Variants in KANK1 observed in about 807,000 individuals in gnomAD.
KANK1 encodes KN motif and ankyrin repeat domain-containing protein 1.
A neutral mutation model predicts 106.2 loss-of-function variants in KANK1; 109 were observed. That is an observed-to-expected ratio of 1.03 (90% CI 0.88 to 1.20). The LOEUF is 1.20. Ranked by LOEUF, KANK1 falls within the 50% of genes most tolerant of loss-of-function variation. KANK1 has a pLI of 0.00. For missense variants in KANK1, 2,399 were observed against 1,710.7 expected (o/e 1.40, Z -7.10); for synonymous variants, 873 against 652.2 (o/e 1.34, Z -5.16).
At chr9:499,667 C>A (rs1307976341) in intron 3 of KANK1, among the ~76,000 whole-genome samples, 1 of 152,166 alleles carries the variant, frequency 6.6e-6, no homozygotes, top group Non-Finnish European at 1.5e-5. Context: ...ACAGGAAAAG[C>A]CCTGAGGAGC....
At chr9:523,640 G>A (rs1371838989) in intron 1 of KANK1, among the ~76,000 whole-genome samples, 1 of 151,612 alleles carries the variant, frequency 6.6e-6, no homozygotes, top group African/African-American at 2.4e-5. Context: ...TCTTCCACAG[G>A]TGTCCCTTTT....
At chr9:562,320 G>A (rs2134440556) in intron 1 of KANK1, among the ~76,000 whole-genome samples, 1 of 152,172 alleles carries the variant, frequency 6.6e-6, no homozygotes, top group Non-Finnish European at 1.5e-5. Context: ...CCAAAGTGCT[G>A]GGATTACAGG....
At chr9:488,157 C>G (rs970908508) in intron 3 of KANK1, among the ~76,000 whole-genome samples, 29 of 152,122 alleles carry the variant, frequency 1.9e-4, no homozygotes, top group African/African-American at 6.8e-4. Context: ...CTCCATGAAT[C>G]CCTACAAATA....
chr9:724,210 G>C (rs571222614), intron 3 of KANK1, among the ~76,000 whole-genome samples: 94 of 152,166 alleles, frequency 6.2e-4, no homozygotes, highest in African/African-American at 2.2e-3. Context: ...GCATTTTTTA[G>C]AGTTCTTTTA....
chr9:680,163 G>A (rs1817253141), intron 2 of KANK1, among the ~76,000 whole-genome samples: 1 of 152,084 alleles, frequency 6.6e-6, no homozygotes, highest in Non-Finnish European at 1.5e-5. Flanking sequence ...TAGAGCATGA[G>A]GGGAAATTTC....
At chr9:692,656 A>C (rs1820257782) in intron 2 of KANK1, among the ~76,000 whole-genome samples, 1 of 151,984 alleles carries the variant, frequency 6.6e-6, no homozygotes, top group Non-Finnish European at 1.5e-5. Flanking sequence ...AACACTAAAA[A>C]TTCTCTTGAG....
chr9:471,009 G>C (rs955998889), intron 2 of KANK1: 3 of 152,190 alleles, frequency 2.0e-5, no homozygotes, highest in Non-Finnish European at 4.4e-5. Context: ...TAATGCCAGG[G>C]TTATTGTTTT....
chr9:521,972 C>A (rs1251114427), intron 1 of KANK1, among the ~76,000 whole-genome samples: 1 of 151,668 alleles, frequency 6.6e-6, no homozygotes. Flanking sequence ...CATGGTGATC[C>A]CTTTTGCCTC....
intron 7 of KANK1, chr9:735,689 C>G: frequency 2.6e-6 from 1 of 388,662 alleles, no homozygotes; most frequent in Non-Finnish European, 5.6e-6. Context: ...TAAATCATTT[C>G]TATATCATAA....
At position 713,368 on chromosome 9, in the gene KANK1, A is replaced by C. The variant is rs748447539; in HGVS notation, c.2602A>C (p.Ser868Arg). 1.2e-6 allele frequency: 2 copies of C among 1,614,190 alleles called. No homozygotes were observed. The highest frequency in any genetic ancestry group is 1.1e-5 in the South Asian group (1 of 91,076). ...GGGCTCCCTCAACTCTCAGCTCATC[A>C]GCACCCTGTCGTCTATCAACTCTGT... ...QMGSLNSQLI[S>R]TLSSINSVMK... The change falls in exon 3 of 12, where the codon AGC becomes CGC. Residue 868 changes from serine (S) to arginine (R), a missense_variant. Physicochemically the swap from Ser to Arg is moderately radical, Grantham distance 110. Transcript: ENST00000382297.
chr9:521,880 T>C lies in KANK1; in HGVS notation c.-84+17126T>C, dbSNP rs1336924041. Among the ~76,000 whole-genome samples, 3 of 151,620 alleles carry C rather than the reference T, an allele frequency of 2.0e-5. No individual in the cohort carries two copies. The East Asian group carries it at 5.8e-4, about 29-fold the overall frequency. On this transcript the variant is annotated intron_variant, in intron 1 of 11. Coordinates refer to ENST00000382297, the MANE Select transcript of KANK1 (RefSeq NM_015158.5). ...ACTGTGCCTGGCTCAGATTCTTTTATTGAATGAACGTCTACTATGTCTTCA... is the reference window on the plus strand; with the variant it reads ...ACTGTGCCTGGCTCAGATTCTTTTACTGAATGAACGTCTACTATGTCTTCA...
At chr9:637,483 A>G (rs1837420792) in intron 1 of KANK1, among the ~76,000 whole-genome samples, 1 of 152,182 alleles carries the variant, frequency 6.6e-6, no homozygotes, top group Non-Finnish European at 1.5e-5. Flanking sequence ...ATGCATCACA[A>G]TCACTTGGGG....
chr9:529,760 G>A (rs1233475600), intron 1 of KANK1, among the ~76,000 whole-genome samples: 6 of 152,264 alleles, frequency 3.9e-5, no homozygotes, highest in African/African-American at 9.6e-5. Flanking sequence ...AACTTTGTAC[G>A]TGTATTATGC....
At chr9:523,091 A>G (rs1018422118) in intron 1 of KANK1, among the ~76,000 whole-genome samples, 3 of 151,560 alleles carry the variant, frequency 2.0e-5, no homozygotes, top group African/African-American at 7.3e-5. Flanking sequence ...TATTCCAATC[A>G]TTATCACATT....
intron 4 of KANK1, 139 bp from the exon 5 acceptor site, chr9:731,019 T>C: frequency 2.2e-6 from 1 of 458,382 alleles, no homozygotes; most frequent in African/African-American, 2.0e-5. Flanking sequence ...CACTTTCCCA[T>C]TGAATTTTGT....
At chr9:713,519 C>G in intron 3 of KANK1, 55 bp downstream of exon 3, 1 of 1,501,482 alleles carries the variant, frequency 6.7e-7, no homozygotes, top group South Asian at 1.4e-5. Flanking sequence ...AAATGTCTTT[C>G]CAGAAGCTAA....
chr9:657,494 A>T (rs1322617110), intron 1 of KANK1, among the ~76,000 whole-genome samples: 2 of 151,680 alleles, frequency 1.3e-5, no homozygotes, highest in South Asian at 2.1e-4. Context: ...TTCACCAACA[A>T]CTCTCACCAA....
intron 1 of KANK1, among the ~76,000 whole-genome samples, chr9:643,739 G>T (rs1174904282): frequency 6.7e-6 from 1 of 150,076 alleles, no homozygotes; most frequent in East Asian, 1.9e-4. Flanking sequence ...GTCTCGCTCT[G>T]TTGCCCAGGC....
At position 656,552 on chromosome 9, in the gene KANK1, A is replaced by G. The variant is rs1842187283; in HGVS notation, c.-83-20338A>G. 1.3e-5 allele frequency among the ~76,000 whole-genome samples: 2 copies of G among 152,086 alleles called. 1 individual carries two copies. The highest frequency in any genetic ancestry group is 4.2e-4 in the South Asian group (2 of 4,818). ...CTGCTATTCTCCAAGGCATTCCTCAACAGAATGGGATCAGGCTTTTTCAGT... is the reference window on the plus strand; with the variant it reads ...CTGCTATTCTCCAAGGCATTCCTCAGCAGAATGGGATCAGGCTTTTTCAGT... On this transcript the variant is annotated intron_variant, in intron 1 of 11. Coordinates refer to ENST00000382297, the MANE Select transcript of KANK1 (RefSeq NM_015158.5).
Sources: allele counts gnomAD v4.1 joint callset (sites outside exome capture counted in the v4.1 genomes callset), GRCh38; gene constraint gnomAD v4.1.1; transcripts MANE v1.5; gene names NCBI Gene and HGNC (gene_info 2026-07-23, HGNC 2026-07-21).